Variants in BRSK1 observed in about 807,000 individuals in gnomAD.
BRSK1 encodes BR serine/threonine kinase 1, also known as serine/threonine-protein kinase BRSK1.
A neutral mutation model predicts 86.2 loss-of-function variants in BRSK1; 17 were observed. The observed-to-expected ratio is 0.20, with a 90% CI of 0.14 to 0.30. The LOEUF (loss-of-function observed/expected upper bound fraction) is 0.30. BRSK1 is among the 10% of genes least tolerant of loss of function. BRSK1 has a pLI of 1.00. For missense variants in BRSK1, 719 were observed against 1,071.9 expected, an observed-to-expected ratio of 0.67 and a Z score of 4.60; for synonymous variants, 464 against 440.1, an observed-to-expected ratio of 1.05 and a Z score of -0.68.
chr19:55,291,470 G>A (rs1249353858), intron 4 of BRSK1, among the ~76,000 whole-genome samples: 2 of 152,150 alleles, frequency 1.3e-5, no homozygotes, highest in Non-Finnish European at 2.9e-5. Context: ...CTTGAGCCCA[G>A]GAGGTTGAGG....
In BRSK1 at chr19:55,306,418, G is replaced by A. The variant is rs931487934; in HGVS notation, c.2057G>A (p.Gly686Asp). 1 of 1,613,504 alleles carries A rather than the reference G, an allele frequency of 6.2e-7. No individual in the cohort carries two copies. The highest frequency in any genetic ancestry group is 8.5e-7 in the Non-Finnish European group (1 of 1,180,022). The change falls in exon 17 of 19, where the codon GGC (glycine) becomes GAC (aspartate). Residue 686 changes from glycine (G) to aspartate (D), a missense_variant. Physicochemically the swap from Gly to Asp is moderately conservative, Grantham distance 94. Around this residue, in one of 6 missense-constraint regions of BRSK1, gnomAD observed 180 missense variants for 259.4 expected, o/e 0.69. Transcript: ENST00000309383. The surrounding 1 kb of genome is among the most constrained non-coding windows in gnomAD (Gnocchi z 4.7). ...SPRRDGSGGG[G>D]IYSVTFTLIS... ...CGACGGGACGGCAGCGGAGGTGGTG[G>A]CATCTACTCCGTCACCTTCACTCTC...
intron 8 of BRSK1, 148 bp downstream of exon 8, chr19:55,301,806 A>C: frequency 9.4e-7 from 1 of 1,059,734 alleles, no homozygotes; most frequent in Non-Finnish European, 1.3e-6. Context: ...CCCAAGGTCC[A>C]GCACAGCTGC....
At chr19:55,308,016 G>A (rs1261535455) in intron 17 of BRSK1, among the ~76,000 whole-genome samples, 1 of 144,986 alleles carries the variant, frequency 6.9e-6, no homozygotes, top group Non-Finnish European at 1.5e-5. Flanking sequence ...TGTTGTTGTT[G>A]TTGTTTGGTT....
intron 17 of BRSK1, among the ~76,000 whole-genome samples, chr19:55,307,121 C>T (rs1409847149): frequency 6.6e-6 from 1 of 152,174 alleles, no homozygotes; most frequent in Non-Finnish European, 1.5e-5. Context: ...GGAGGGATAT[C>T]GCCGATCTCT....
Position 55,293,850 on chromosome 19 carries a change from A to G in BRSK1, c.459-167A>G, listed in dbSNP as rs189990927. 7.9e-4 allele frequency among the ~76,000 whole-genome samples: 120 copies of G among 152,314 alleles called. 1 individual carries two copies. The highest frequency in any genetic ancestry group is 1.6e-3 in the Admixed American group (25 of 15,294). On this transcript the variant is annotated intron_variant, in intron 4 of 18. Coordinates refer to ENST00000309383, the MANE Select transcript of BRSK1 (RefSeq NM_032430.2). Reference sequence around the variant, plus strand: ...AAATACATACATACATATGATAAAAAATTAAAAATTTTTAAAAAGACCAAA... The same window carrying G: ...AAATACATACATACATATGATAAAAGATTAAAAATTTTTAAAAAGACCAAA...
At chr19:55,301,703 G>A in intron 8 of BRSK1, 45 bp downstream of exon 8, 1 of 1,593,712 alleles carries the variant, frequency 6.3e-7, no homozygotes, top group South Asian at 1.1e-5. Flanking sequence ...AGTGGCCGAT[G>A]AAGACAGAAC....
At chr19:55,295,924 G>A (rs12104305) in intron 7 of BRSK1, among the ~76,000 whole-genome samples, 10,464 of 152,186 alleles carry the variant, frequency 0.069, 573 homozygotes, top group African/African-American at 0.15. Flanking sequence ...AGTTGAGATC[G>A]CGTCACTGCA....
Position 55,302,893 on chromosome 19 carries a change from G to A in BRSK1, c.1028+26G>A, listed in dbSNP as rs1244182068. 5 of 1,597,636 alleles carry A rather than the reference G, an allele frequency of 3.1e-6. No homozygotes were observed. Among genetic ancestry groups the A allele is most frequent in the South Asian group, 1.1e-5 (1 of 90,616 alleles). ...GTAAGACCCCAAGACCCCTGCACCC[G>A]TGTACCCACGTGGGGCGAGCTGCAG... is the stretch of plus-strand genomic sequence containing the variant. On this transcript the variant is annotated intron_variant, in intron 10 of 18. Transcript: ENST00000309383. The surrounding 1 kb of genome is among the most constrained non-coding windows in gnomAD (Gnocchi z 6.3).
At position 55,303,272 on chromosome 19, in the gene BRSK1, T is replaced by C. The variant is rs781302376; in HGVS notation, c.1029-39T>C. Reference sequence around the variant, plus strand: ...GAGCATTGATGTTGGACCTCAGCCCTCTGCTACCTCTTTCCACCTTTCCCA... The same window carrying C: ...GAGCATTGATGTTGGACCTCAGCCCCCTGCTACCTCTTTCCACCTTTCCCA... On this transcript the variant is annotated intron_variant, in intron 10 of 18. Coordinates refer to ENST00000309383, the MANE Select transcript of BRSK1 (RefSeq NM_032430.2). This position sits in a 1 kb window ranked among gnomAD's most constrained non-coding sequence, Gnocchi z 5.1. The C allele has an allele frequency of 1.3e-5, 20 of 1,527,880 alleles. No individual in the cohort carries two copies. The highest frequency in any genetic ancestry group is 1.7e-5 in the Admixed American group (1 of 59,864). 94.6% of individuals were successfully genotyped at this position (1,527,880 alleles called of 1,614,324 possible). A position where few individuals can be genotyped will look rare whatever the true frequency, so the allele number is the denominator to read the frequency against.
In BRSK1 at chr19:55,302,009, T is replaced by G; in HGVS notation, c.826-128T>G. 1.8e-6 allele frequency: 2 copies of G among 1,127,218 alleles called. No individual in the cohort carries two copies. Among genetic ancestry groups the G allele is most frequent in the Non-Finnish European group, 2.7e-6 (2 of 741,092 alleles). The allele number at this position is 1,127,218 out of a possible 1,614,324, so 69.8% of individuals were successfully genotyped here. A position where few individuals can be genotyped will look rare whatever the true frequency, so the allele number is the denominator to read the frequency against. On this transcript the variant is annotated intron_variant, in intron 8 of 18. Transcript: ENST00000309383. This position sits in a 1 kb window ranked among gnomAD's most constrained non-coding sequence, Gnocchi z 6.3. Reference sequence around the variant, plus strand: ...CGCCACTAGAGGGCGATGTAATATGTCATCCTGCCCCCGGTGGGGTGGGCG... The same window carrying G: ...CGCCACTAGAGGGCGATGTAATATGGCATCCTGCCCCCGGTGGGGTGGGCG...
In BRSK1 at chr19:55,294,537, C is replaced by T. The variant is rs576999868; in HGVS notation, c.678+140C>T. The T allele has an allele frequency of 1.0e-4, 113 of 1,119,274 alleles. No homozygotes were observed. The highest frequency in any genetic ancestry group is 2.9e-4 in the Middle Eastern group (1 of 3,422). 69.3% of individuals were successfully genotyped at this position (1,119,274 alleles called of 1,614,324 possible). ...TTTATTTTGAGACAGAGTCTTGCCC[C>T]GTCGCCTAGGCTGGAGTGCAGTGGT... On this transcript the variant is annotated intron_variant, in intron 7 of 18. Coordinates refer to ENST00000309383, the MANE Select transcript of BRSK1 (RefSeq NM_032430.2). This position sits in a 1 kb window ranked among gnomAD's most constrained non-coding sequence, Gnocchi z 4.9.
In BRSK1 at chr19:55,284,199, G is replaced by GC. The variant is rs1345850853; in HGVS notation, c.-240dup. 5.3e-6 allele frequency: 4 copies of GC among 750,674 alleles called. No individual in the cohort carries two copies. The highest frequency in any genetic ancestry group is 4.5e-4 in the Middle Eastern group (1 of 2,234). The allele number at this position is 750,674 out of a possible 1,614,324, so 46.5% of individuals were successfully genotyped here. ...GCCAGAAACGGGCTGGGGAGGGGGG[G>GC]CCCCGCAGCCCCCCTGGGCCATGCT... On this transcript the variant is annotated 5_prime_UTR_variant, in exon 1 of 19. An upstream open reading frame in the 5' UTR loses its in-frame stop. Coordinates refer to ENST00000309383, the MANE Select transcript of BRSK1 (RefSeq NM_032430.2).
At position 55,302,093 on chromosome 19, in the gene BRSK1, C is replaced by T; in HGVS notation, c.826-44C>T. ...TCTTTCATTGCGCGCCTACATGTGCCTACGACCTCACTTCTGCTTCTCTAC... is the reference window on the plus strand; with the variant it reads ...TCTTTCATTGCGCGCCTACATGTGCTTACGACCTCACTTCTGCTTCTCTAC... On this transcript the variant is annotated intron_variant, in intron 8 of 18. Coordinates refer to ENST00000309383, the MANE Select transcript of BRSK1 (RefSeq NM_032430.2). The surrounding 1 kb of genome is among the most constrained non-coding windows in gnomAD (Gnocchi z 6.3). 6.2e-7 allele frequency: 1 copy of T among 1,613,322 alleles called. No homozygotes were observed. Among genetic ancestry groups the T allele is most frequent in the Non-Finnish European group, 8.5e-7 (1 of 1,179,240 alleles).
At chr19:55,289,104 T>C (rs1600171502) in intron 3 of BRSK1, among the ~76,000 whole-genome samples, 3 of 152,154 alleles carry the variant, frequency 2.0e-5, no homozygotes, top group Admixed American at 2.0e-4. Context: ...ATTGGGGTCT[T>C]TGACCTTCAG....
At chr19:55,308,226 G>A (rs1362183463) in intron 17 of BRSK1, among the ~76,000 whole-genome samples, 1 of 151,888 alleles carries the variant, frequency 6.6e-6, no homozygotes. Flanking sequence ...TCGCCATGTT[G>A]GCCAGGCTGG....
chr19:55,284,491 C>CGGGG lies in BRSK1; in HGVS notation c.49_50insGGGG (p.Leu17ArgfsTer34). 3 of 1,138,124 alleles carry CGGGG rather than the reference C, an allele frequency of 2.6e-6. No homozygotes were observed. Among genetic ancestry groups the CGGGG allele is most frequent in the Non-Finnish European group, 3.5e-6 (3 of 849,184 alleles). The allele number at this position is 1,138,124 out of a possible 1,614,324, so 70.5% of individuals were successfully genotyped here. On this transcript the variant is annotated frameshift_variant, in exon 1 of 19. Coordinates refer to ENST00000309383, the MANE Select transcript of BRSK1 (RefSeq NM_032430.2). LOFTEE classifies it high-confidence loss of function. ...AGGTGGGGGCTCTCCCGCCTACCAC[C>CGGGG]TCCCCCACCCCCACCCCCACCCACC...
chr19:55,301,367 G>A (rs1251125743), intron 7 of BRSK1, 145 bp from the exon 8 acceptor site: 3 of 975,738 alleles, frequency 3.1e-6, no homozygotes, highest in African/African-American at 1.6e-5. Context: ...CCACGGACGA[G>A]CTAGGGGCCT....
chr19:55,302,007 T>G lies in BRSK1; in HGVS notation c.826-130T>G. 9.0e-7 allele frequency: 1 copy of G among 1,108,190 alleles called. No individual in the cohort carries two copies. Among genetic ancestry groups the G allele is most frequent in the South Asian group, 1.2e-5 (1 of 80,726 alleles). 68.6% of individuals were successfully genotyped at this position (1,108,190 alleles called of 1,614,324 possible). The stretch of plus-strand genomic sequence containing the variant: ...GTCGCCACTAGAGGGCGATGTAATA[T>G]GTCATCCTGCCCCCGGTGGGGTGGG... On this transcript the variant is annotated intron_variant, in intron 8 of 18. Transcript: ENST00000309383. This position sits in a 1 kb window ranked among gnomAD's most constrained non-coding sequence, Gnocchi z 6.3.
chr19:55,295,053 C>T (rs775983008), intron 7 of BRSK1, among the ~76,000 whole-genome samples: 11 of 152,156 alleles, frequency 7.2e-5, no homozygotes, highest in Middle Eastern at 3.2e-3. Flanking sequence ...CCACCCTCCT[C>T]GGCCTCCCAG....
Sources: gnomAD v4.1 joint callset for allele counts (sites outside exome capture counted in the v4.1 genomes callset) on GRCh38, gnomAD v4.1.1 for gene constraint, gnomAD v4.1.1 regional missense constraint, Gnocchi (gnomAD v3.1) non-coding constraint, MANE v1.5 for transcripts, NCBI Gene and HGNC (gene_info 2026-07-23, HGNC 2026-07-21) for gene names.